IL34: variants seen among roughly 807,000 people sequenced by gnomAD.
IL34 encodes interleukin-34.
A neutral mutation model predicts 25.3 loss-of-function variants in IL34; 17 were observed. The ratio of observed to expected loss-of-function variants is 0.67; its 90% CI spans 0.46 to 1.01. The LOEUF is 1.01. IL34 is among the 50% of genes least tolerant of loss of function. The pLI is 0.00. For synonymous variants in IL34, 174 were observed against 140.9 expected, an observed-to-expected ratio of 1.23 and a Z score of -1.66; for missense variants, 368 against 312.9, an observed-to-expected ratio of 1.18 and a Z score of -1.33.
At chr16:70,585,213 A>G (rs906608258) in intron 1 of IL34, among the ~76,000 whole-genome samples, 1 of 152,044 alleles carries the variant, frequency 6.6e-6, no homozygotes, top group Admixed American at 6.6e-5. Context: ...ATCATACAAT[A>G]TTTGTCTTTT....
chr16:70,608,930 T>C (rs74848989), intron 1 of IL34, among the ~76,000 whole-genome samples: 9,604 of 152,228 alleles, frequency 0.063, 366 homozygotes, highest in Non-Finnish European at 0.072. Context: ...CTGGTTCCAA[T>C]TGTGCTTCCC....
At chr16:70,592,845 G>A (rs555841361) in intron 1 of IL34, among the ~76,000 whole-genome samples, 4 of 152,164 alleles carry the variant, frequency 2.6e-5, no homozygotes, top group South Asian at 4.1e-4. Flanking sequence ...AGTAGAGACG[G>A]GGTTTCAGCA....
At chr16:70,587,985 G>T (rs1567435218) in intron 1 of IL34, among the ~76,000 whole-genome samples, 1 of 152,260 alleles carries the variant, frequency 6.6e-6, no homozygotes, top group East Asian at 1.9e-4. Flanking sequence ...GTCTCAGTGA[G>T]CAGAGGTCGC....
In IL34 at chr16:70,656,616, C is replaced by T. The variant is rs1295595661; in HGVS notation, c.177C>T (p.Pro59=). 8 of 1,384,000 alleles carry T rather than the reference C, an allele frequency of 5.8e-6. No individual in the cohort carries two copies. Among genetic ancestry groups the T allele is most frequent in the Non-Finnish European group, 3.1e-6 (3 of 969,578 alleles). The allele number at this position is 1,384,000 out of a possible 1,614,324, so 85.7% of individuals were successfully genotyped here. The change falls in exon 3 of 6, where the codon CCC becomes CCT. Residue 59 remains proline (P), a synonymous_variant. Coordinates refer to ENST00000288098, the MANE Select transcript of IL34 (RefSeq NM_001393494.1). ...SRLQYMKHYF[P]INYKISVPYE... Reference sequence around the variant, plus strand: ...TGCCTCTCCAGAAACACTACTTCCCCATCAACTACAAGATCAGTGTGCCTT... The same window carrying T: ...TGCCTCTCCAGAAACACTACTTCCCTATCAACTACAAGATCAGTGTGCCTT...
intron 1 of IL34, among the ~76,000 whole-genome samples, chr16:70,599,265 G>GTCTTTCTTTCTTTCTTTCTTTCTTTC (rs200642053): frequency 5.0e-5 from 7 of 139,074 alleles, no homozygotes; most frequent in African/African-American, 1.7e-4. Context: ...GTCAAGAACT[G>GTCTTTCTTTCTTTCTTTCTTTCTTTC]TTTCTTTCTT....
intron 1 of IL34, among the ~76,000 whole-genome samples, chr16:70,583,673 C>T (rs2050660143): frequency 6.6e-6 from 1 of 151,752 alleles, no homozygotes; most frequent in Non-Finnish European, 1.5e-5. Flanking sequence ...TTCCTCCTGC[C>T]TCAGAGGAGG....
At chr16:70,656,800 C>T (rs527516597) in intron 3 of IL34, 121 bp downstream of exon 3, 44 of 1,010,566 alleles carry the variant, frequency 4.4e-5, no homozygotes, top group East Asian at 7.1e-5. Flanking sequence ...TCCTCAGCCC[C>T]GAGAGCAGGC....
chr16:70,608,592 A>G (rs2051046033), intron 1 of IL34, among the ~76,000 whole-genome samples: 1 of 152,178 alleles, frequency 6.6e-6, no homozygotes, highest in East Asian at 1.9e-4. Context: ...GGAGGCACAG[A>G]TCAAGGGTGG....
At chr16:70,651,058 A>G (rs973015280) in intron 1 of IL34, among the ~76,000 whole-genome samples, 10 of 152,104 alleles carry the variant, frequency 6.6e-5, no homozygotes, top group African/African-American at 2.4e-4. Context: ...AAAATACAAA[A>G]AAAATTAGCC....
intron 1 of IL34, among the ~76,000 whole-genome samples, chr16:70,651,123 T>G (rs989018736): frequency 6.6e-6 from 1 of 151,364 alleles, no homozygotes; most frequent in African/African-American, 2.4e-5. Context: ...GGGAAGGTGG[T>G]GCTGGAGACA....
chr16:70,620,640 A>G (rs559431389), intron 1 of IL34, among the ~76,000 whole-genome samples: 1 of 152,298 alleles, frequency 6.6e-6, no homozygotes, highest in African/African-American at 2.4e-5. Context: ...TTGGGCACAG[A>G]GACTAGGAAG....
At chr16:70,620,131 G>T (rs922261854) in intron 1 of IL34, among the ~76,000 whole-genome samples, 1 of 152,172 alleles carries the variant, frequency 6.6e-6, no homozygotes, top group Non-Finnish European at 1.5e-5. Flanking sequence ...TTAATTTTTG[G>T]AGTTTTATTT....
chr16:70,607,769 A>T (rs1191367093), intron 1 of IL34, among the ~76,000 whole-genome samples: 2 of 150,740 alleles, frequency 1.3e-5, no homozygotes, highest in African/African-American at 4.9e-5. Context: ...TTTAATTTTA[A>T]TTTTTAATTT....
At chr16:70,596,184 G>A (rs1399380599) in intron 1 of IL34, among the ~76,000 whole-genome samples, 1 of 152,064 alleles carries the variant, frequency 6.6e-6, no homozygotes, top group Admixed American at 6.6e-5. Flanking sequence ...GGAGGGGTGA[G>A]GGATCTCTCT....
rs138079388 is a variant in IL34 at position 70,628,350 on chromosome 16, G to A, written c.-400-18198G>A. 4.5e-3 allele frequency among the ~76,000 whole-genome samples: 677 copies of A among 151,994 alleles called. 4 individuals carry two copies. Among genetic ancestry groups the A allele is most frequent in the African/African-American group, 0.015 (610 of 41,474 alleles). On this transcript the variant is annotated intron_variant, in intron 1 of 6. Transcript: ENST00000429149. ...TAACTCTTCTGTGTCCTTTAGCATTGTTTACAGTTTTTTAGTATATATCTT... is the reference window on the plus strand; with the variant it reads ...TAACTCTTCTGTGTCCTTTAGCATTATTTACAGTTTTTTAGTATATATCTT...
At chr16:70,599,249 T>G (rs1377559551) in intron 1 of IL34, among the ~76,000 whole-genome samples, 1 of 119,458 alleles carries the variant, frequency 8.4e-6, no homozygotes, top group Non-Finnish European at 1.8e-5. Flanking sequence ...GTCTTATACC[T>G]GTTATGTCAA....
chr16:70,649,347 G>C (rs2052021839), intron 1 of IL34, among the ~76,000 whole-genome samples: 1 of 152,216 alleles, frequency 6.6e-6, no homozygotes. Flanking sequence ...CATTTCTAGG[G>C]AAGGGGTAGT....
chr16:70,647,755 C>T (rs34644948), intron 1 of IL34, among the ~76,000 whole-genome samples: 44,498 of 151,970 alleles, frequency 0.29, 6,764 homozygotes, highest in South Asian at 0.45. Flanking sequence ...TATGAGCCTG[C>T]GAGGGATTGA....
At chr16:70,628,488 T>G (rs2051444673) in intron 1 of IL34, among the ~76,000 whole-genome samples, 1 of 151,408 alleles carries the variant, frequency 6.6e-6, no homozygotes, top group African/African-American at 2.4e-5. Flanking sequence ...TTTATTTATT[T>G]ATTTATTTTT....
Sources: allele counts gnomAD v4.1 joint callset (sites outside exome capture counted in the v4.1 genomes callset), GRCh38; gene constraint gnomAD v4.1.1; transcripts MANE v1.5; gene names NCBI Gene and HGNC (gene_info 2026-07-23, HGNC 2026-07-21).